The following RUNX1T1 variants were observed in gnomAD, a reference collection of about 807,000 sequenced individuals.
RUNX1T1 encodes protein CBFA2T1.
A neutral mutation model predicts 62.8 loss-of-function variants in RUNX1T1; 4 were observed. The ratio of observed to expected loss-of-function variants is 0.06; its 90% CI spans 0.03 to 0.15. RUNX1T1 has a LOEUF of 0.15. Among genes scored for constraint, RUNX1T1 ranks in the 10% least tolerant of loss-of-function variants. The pLI, the probability that RUNX1T1 is intolerant of heterozygous loss-of-function variation, is 1.00. For missense variants in RUNX1T1, 508 were observed against 754.3 expected, an observed-to-expected ratio of 0.67 and a Z score of 3.82; for synonymous variants, 291 against 286.0, an observed-to-expected ratio of 1.02 and a Z score of -0.18.
chr8:92,095,181 G>A, intron 1 of RUNX1T1: 9 of 1,535,222 alleles, frequency 5.9e-6, no homozygotes, highest in Non-Finnish European at 7.8e-6. Flanking sequence ...GCTAAGAGGA[G>A]CGACAGATAA....
chr8:92,076,646 TA>T (rs1358621830), intron 1 of RUNX1T1, among the ~76,000 whole-genome samples: 1 of 152,088 alleles, frequency 6.6e-6, no homozygotes, highest in East Asian at 1.9e-4. Context: ...ACACATAGTT[TA>T]AAACAACAGT....
At chr8:91,989,018 C>T (rs1295730159) in intron 6 of RUNX1T1, among the ~76,000 whole-genome samples, 5 of 151,946 alleles carry the variant, frequency 3.3e-5, no homozygotes, top group South Asian at 4.2e-4. Context: ...AGGGATGTAC[C>T]GGGGGAAATA....
rs569328798 is a variant in RUNX1T1 at position 92,006,754 on chromosome 8, T to G, written c.478-1457A>C. The G allele has an allele frequency of 3.2e-4, 49 of 152,060 alleles. 1 individual carries two copies. Among genetic ancestry groups the G allele is most frequent in the African/African-American group, 1.1e-3 (45 of 41,442 alleles). 9.4% of individuals were successfully genotyped at this position (152,060 alleles called of 1,614,324 possible). ...GTAGATGTGTGCCATGGTCGTTTGT[T>G]GCACCTATCAACCCATTATCTAGGT... is the stretch of plus-strand genomic sequence containing the variant. On this transcript the variant is annotated intron_variant, in intron 4 of 10. Transcript: ENST00000396218.
intron 8 of RUNX1T1, among the ~76,000 whole-genome samples, chr8:91,978,817 T>C (rs971515464): frequency 6.6e-6 from 1 of 152,192 alleles, no homozygotes; most frequent in Non-Finnish European, 1.5e-5. Context: ...GGGGTACATA[T>C]ACCACACTGG....
exon 1 of RUNX1T1, chr8:92,062,560 T>A: frequency 6.2e-7 from 1 of 1,614,030 alleles, no homozygotes; most frequent in Non-Finnish European, 8.5e-7. Flanking sequence ...CATCCTTGAA[T>A]CCAGCGTACC....
intron 1 of RUNX1T1, among the ~76,000 whole-genome samples, chr8:92,077,924 TA>T (rs997240941): frequency 5.9e-5 from 9 of 152,276 alleles, no homozygotes; most frequent in African/African-American, 2.2e-4. Context: ...ATTTCTCAAT[TA>T]AAAATGATCT....
chr8:92,103,302 A>T (rs1372462364), upstream of RUNX1T1: 1 of 212,254 alleles, frequency 4.7e-6, no homozygotes, highest in Non-Finnish European at 9.5e-6. Flanking sequence ...CTCTCGAGGA[A>T]GGCGACGCAT....
chr8:91,975,687 G>C (rs1248025370), intron 9 of RUNX1T1, among the ~76,000 whole-genome samples: 1 of 152,134 alleles, frequency 6.6e-6, no homozygotes, highest in Non-Finnish European at 1.5e-5. Context: ...AGTGAAACTG[G>C]CAGATGTTAC....
exon 11 of RUNX1T1, chr8:91,959,460 G>GTATATA (rs1563590465): frequency 9.6e-5 from 11 of 114,380 alleles, no homozygotes; most frequent in African/African-American, 7.4e-4. Flanking sequence ...GTGTGTGTGT[G>GTATATA]TGTGTGTATA....
chr8:91,991,247 A>C (rs888406257), intron 6 of RUNX1T1, among the ~76,000 whole-genome samples: 2 of 152,228 alleles, frequency 1.3e-5, no homozygotes, highest in South Asian at 4.1e-4. Flanking sequence ...AACAAAAGAT[A>C]CAACACAAGA....
At chr8:91,994,494 G>C in intron 5 of RUNX1T1, 2 of 408,108 alleles carry the variant, frequency 4.9e-6, no homozygotes, top group Non-Finnish European at 9.8e-6. Context: ...TACCTTACTG[G>C]CATTGTGGTG....
chr8:92,058,926 T>C (rs534907876), intron 1 of RUNX1T1, among the ~76,000 whole-genome samples: 4 of 152,214 alleles, frequency 2.6e-5, no homozygotes, highest in East Asian at 3.9e-4. Flanking sequence ...AAGAAAAAGA[T>C]TAAACAATTA....
intron 1 of RUNX1T1, among the ~76,000 whole-genome samples, chr8:92,031,617 T>A (rs190375436): frequency 2.0e-5 from 3 of 152,208 alleles, no homozygotes; most frequent in East Asian, 3.9e-4. Context: ...TACAGGTGCA[T>A]ATCACCATAC....
At chr8:91,974,467 G>A (rs1425272367) in intron 9 of RUNX1T1, among the ~76,000 whole-genome samples, 1 of 152,208 alleles carries the variant, frequency 6.6e-6, no homozygotes, top group East Asian at 1.9e-4. Context: ...CTTAAAAAGG[G>A]AAGTGCAGAG....
At chr8:92,062,692 G>A (rs769617285) in exon 1 of RUNX1T1, 31 of 1,611,194 alleles carry the variant, frequency 1.9e-5, no homozygotes, top group African/African-American at 2.7e-5. Context: ...CCGGAGGCAG[G>A]GTGCTGGGCG....
In RUNX1T1 at chr8:92,025,779, TCTC is replaced by T. The variant is rs538175158; in HGVS notation, c.8-8419_8-8417del. On this transcript the variant is annotated intron_variant, in intron 1 of 10. Coordinates refer to ENST00000396218, the Ensembl canonical transcript of RUNX1T1. ...AATCATCTATGTATCTCTTTTTTCC[TCTC>T]ATCATCCAAAAAGAATTCCAAAAGA... Among the ~76,000 whole-genome samples, 192 of 152,310 alleles carry T rather than the reference TCTC, an allele frequency of 1.3e-3. 1 individual carries two copies. Among genetic ancestry groups the T allele is most frequent in the African/African-American group, 4.5e-3 (186 of 41,562 alleles).
At chr8:92,020,147 T>C (rs1823800413) in intron 1 of RUNX1T1, among the ~76,000 whole-genome samples, 1 of 152,144 alleles carries the variant, frequency 6.6e-6, no homozygotes, top group Non-Finnish European at 1.5e-5. Flanking sequence ...CAATCCAGGA[T>C]GGAGATAGAT....
chr8:91,993,763 G>A (rs376605044), intron 5 of RUNX1T1, among the ~76,000 whole-genome samples: 1 of 152,162 alleles, frequency 6.6e-6, no homozygotes, highest in East Asian at 1.9e-4. Context: ...AGGCCGAGGC[G>A]GGAGGATCAC....
intron 8 of RUNX1T1, among the ~76,000 whole-genome samples, chr8:91,982,879 G>C (rs115796732): frequency 0.023 from 3,475 of 149,810 alleles, 127 homozygotes; most frequent in African/African-American, 0.08. Flanking sequence ...TTCAGTCAGA[G>C]GTTATTCAAA....
Sources: gnomAD v4.1 joint callset for allele counts (sites outside exome capture counted in the v4.1 genomes callset) on GRCh38, gnomAD v4.1.1 for gene constraint, MANE v1.5 for transcripts, NCBI Gene and HGNC (gene_info 2026-07-23, HGNC 2026-07-21) for gene names.